The following ATP8B3 variants were observed in gnomAD, a reference collection of about 807,000 sequenced individuals.
ATP8B3 encodes ATPase phospholipid transporting 8B3.
In ATP8B3, 141 loss-of-function variants were observed where a neutral mutation model predicts 140.9. That is an observed-to-expected ratio of 1.00 (90% CI 0.87 to 1.15). ATP8B3 has a LOEUF of 1.15. Among genes scored for constraint, ATP8B3 ranks in the 50% most tolerant of loss-of-function variants. The pLI is 0.00. For missense variants in ATP8B3, 1,874 were observed against 1,740.6 expected (o/e 1.08, Z -1.36); for synonymous variants, 765 against 714.6 (o/e 1.07, Z -1.13).
Position 1,796,255 on chromosome 19 carries a change from C to A in ATP8B3, c.1764G>T (p.Leu588Phe). The A allele has an allele frequency of 6.2e-7, 1 of 1,609,934 alleles. No individual in the cohort carries two copies. The highest frequency in any genetic ancestry group is 8.5e-7 in the Non-Finnish European group (1 of 1,178,964). The change falls in exon 17 of 29, where the codon TTG (leucine) becomes TTT (phenylalanine). Residue 588 changes from leucine to phenylalanine, a missense_variant. Physicochemically the swap from Leu to Phe is conservative, Grantham distance 22. This residue lies in a region of ATP8B3 where 1,032 missense variants were observed against 963.6 expected (regional missense o/e 1.07). Coordinates refer to ENST00000310127, the MANE Select transcript of ATP8B3 (RefSeq NM_138813.4). ...CCTCGTCGGGGGAGGCCGCCTGGTA[C>A]AACAGCTGGTCTGGTAGGGAGGGGG... ...ESPRERPDQL[L>F]YQAASPDEGA...
Position 1,806,014 on chromosome 19 carries a change from G to A in ATP8B3, c.751-56C>T, listed in dbSNP as rs2069003280. 5 of 1,609,066 alleles carry A rather than the reference G, an allele frequency of 3.1e-6. No homozygotes were observed. Among genetic ancestry groups the A allele is most frequent in the Middle Eastern group, 1.7e-4 (1 of 6,054 alleles). On this transcript the variant is annotated intron_variant, in intron 8 of 28. Transcript: ENST00000310127. This position sits in a 1 kb window ranked among gnomAD's most constrained non-coding sequence, Gnocchi z 5.6. Reference sequence around the variant, plus strand: ...AGGGGATGCAAGACAAATTGGGGGTGCGGCAGCCCTCCCCACCCTGGGAGG... The same window carrying A: ...AGGGGATGCAAGACAAATTGGGGGTACGGCAGCCCTCCCCACCCTGGGAGG...
In ATP8B3 at chr19:1,791,730, C is replaced by A. The variant is rs556062718; in HGVS notation, c.2302+20G>T. Reference sequence around the variant, plus strand: ...CCCATGCTGCAGGGGCTTAGCCACCCGGAGCTGCCCGGGACTCACCCTGCT... The same window carrying A: ...CCCATGCTGCAGGGGCTTAGCCACCAGGAGCTGCCCGGGACTCACCCTGCT... On this transcript the variant is annotated intron_variant, in intron 20 of 28. Transcript: ENST00000310127. 5 of 1,590,398 alleles carry A rather than the reference C, an allele frequency of 3.1e-6. No individual in the cohort carries two copies. In the Admixed American group the frequency reaches 5.0e-5, roughly 16 times the overall value.
At position 1,811,768 on chromosome 19, in the gene ATP8B3, G is replaced by T; in HGVS notation, c.-32C>A. On this transcript the variant is annotated 5_prime_UTR_variant, in exon 2 of 29. Coordinates refer to ENST00000310127, the MANE Select transcript of ATP8B3 (RefSeq NM_138813.4). Reference sequence around the variant, plus strand: ...CATGAGGAAAAGGGAGGTTCAGGGCGAAGAGGGGTTTAGGCTGTGGGACGG... The same window carrying T: ...CATGAGGAAAAGGGAGGTTCAGGGCTAAGAGGGGTTTAGGCTGTGGGACGG... The T allele has an allele frequency of 6.4e-7, 1 of 1,553,972 alleles. No homozygotes were observed. The highest frequency in any genetic ancestry group is 8.7e-7 in the Non-Finnish European group (1 of 1,155,308).
rs1311367400 is a variant in ATP8B3 at position 1,811,510 on chromosome 19, T to C, written c.227A>G (p.Lys76Arg). ...TCACCCTTCTGGTCTCCATTCATAC[T>C]TCCTAGCCCGGCCAGGCTGGGCCTT... Reference protein sequence around the residue: ...RHKAQPGRARKYEWRPEGPTS... With the variant: ...RHKAQPGRARRYEWRPEGPTS... Residue 76 changes from lysine to arginine, a missense_variant, in exon 2 of 29, where the codon AAG becomes AGG. Lys to Arg is a conservative substitution (Grantham distance 26). Coordinates refer to ENST00000310127, the MANE Select transcript of ATP8B3 (RefSeq NM_138813.4). 1.9e-6 allele frequency: 3 copies of C among 1,611,944 alleles called. No homozygotes were observed. The Admixed American group carries it at 5.0e-5, about 27-fold the overall frequency.
At chr19:1,801,019 G>A (rs1370391049) in intron 12 of ATP8B3, among the ~76,000 whole-genome samples, 1 of 151,428 alleles carries the variant, frequency 6.6e-6, no homozygotes, top group African/African-American at 2.4e-5. Context: ...TAGTAGAGAC[G>A]GGGTTTCACT....
Position 1,783,069 on chromosome 19 carries a change from A to C in ATP8B3, c.3862T>G (p.Ser1288Ala), listed in dbSNP as rs779649887. The change falls in exon 29 of 29, where the codon TCT becomes GCT. Residue 1288 changes from serine (S) to alanine (A), a missense_variant. Around this residue, in one of 3 missense-constraint regions of ATP8B3, gnomAD observed 840 missense variants for 760.9 expected, o/e 1.10. Transcript: ENST00000310127. ...SDIASESLDP[S>A]DEEAASSPKE... is the part of the protein sequence containing the mutation. ...GGGCTCGAAGCTGCCTCTTCATCAG[A>C]TGGGTCTAGGGATTCAGATGCTATG... 6.2e-7 allele frequency: 1 copy of C among 1,612,400 alleles called. No individual in the cohort carries two copies. The highest frequency in any genetic ancestry group is 8.5e-7 in the Non-Finnish European group (1 of 1,179,432).
At chr19:1,797,770 G>A (rs898233947) in intron 14 of ATP8B3, among the ~76,000 whole-genome samples, 2 of 151,406 alleles carry the variant, frequency 1.3e-5, no homozygotes, top group African/African-American at 4.9e-5. Flanking sequence ...AAAGTGCTGG[G>A]ATTACAGGCG....
In ATP8B3 at chr19:1,802,620, G is replaced by A. The variant is rs767037893; in HGVS notation, c.930C>T (p.Asn310=). 1.1e-5 allele frequency: 17 copies of A among 1,611,354 alleles called. No homozygotes were observed. In the African/African-American group the frequency reaches 1.9e-4, roughly 18 times the overall value. The change falls in exon 11 of 29, where the codon AAC becomes AAT. Residue 310 remains asparagine (N), a synonymous_variant. Coordinates refer to ENST00000310127, the MANE Select transcript of ATP8B3 (RefSeq NM_138813.4). ...ACCCCACGAAGTGGTGCATCCGACT[G>A]TTAGGCGCCTCACACGTCACTGTGC... is the stretch of plus-strand genomic sequence containing the variant. ...FQGTVTCEAP[N]SRMHHFVGCL... is the part of the protein sequence containing the mutation.
chr19:1,795,765 C>T, intron 18 of ATP8B3, 110 bp downstream of exon 18: 2 of 1,020,696 alleles, frequency 2.0e-6, no homozygotes, highest in South Asian at 3.0e-5. Context: ...CCTCCCCTGC[C>T]TCCTCCTCCT....
chr19:1,807,286 G>A lies in ATP8B3; in HGVS notation c.517-20C>T. 1 of 1,600,422 alleles carries A rather than the reference G, an allele frequency of 6.2e-7. No individual in the cohort carries two copies. The highest frequency in any genetic ancestry group is 8.6e-7 in the Non-Finnish European group (1 of 1,169,440). On this transcript the variant is annotated intron_variant, in intron 5 of 28. Transcript: ENST00000310127. The surrounding 1 kb of genome is among the most constrained non-coding windows in gnomAD (Gnocchi z 5.9). ...AATGCTCTGACGTGAGGGGGCCACA[G>A]GAAGGGTCACACCAGCCCACTCCCC... is the stretch of plus-strand genomic sequence containing the variant.
chr19:1,789,173 C>A, intron 23 of ATP8B3, 53 bp from the exon 24 acceptor site: 1 of 1,079,736 alleles, frequency 9.3e-7, no homozygotes, highest in Non-Finnish European at 1.3e-6. Flanking sequence ...GTCCCGCCCG[C>A]CCCCCCAGAC....
intron 18 of ATP8B3, among the ~76,000 whole-genome samples, chr19:1,793,486 C>G (rs1025213895): frequency 1.3e-5 from 2 of 152,314 alleles, no homozygotes; most frequent in East Asian, 3.9e-4. Flanking sequence ...CCCCCAGTCC[C>G]AGGCCCCTCC....
At chr19:1,799,465 G>GA (rs532925512) in intron 14 of ATP8B3, 6,392 of 143,438 alleles carry the variant, frequency 0.045, 40 homozygotes, top group Middle Eastern at 0.078. Flanking sequence ...GTCTCAGAGA[G>GA]AAAAAAAAAA....
chr19:1,805,266 G>C lies in ATP8B3; in HGVS notation c.904+108C>G, dbSNP rs1255022348. On this transcript the variant is annotated intron_variant, in intron 10 of 28. Transcript: ENST00000310127. This position sits in a 1 kb window ranked among gnomAD's most constrained non-coding sequence, Gnocchi z 5.2. ...CTGGGATTCCAGGTGTGAGCCACTG[G>C]GCCTGGCCAGCACCTTGTTTTAAAA... 8.9e-7 allele frequency: 1 copy of C among 1,117,992 alleles called. No homozygotes were observed. The highest frequency in any genetic ancestry group is 2.0e-5 in the Admixed American group (1 of 50,134). The allele number at this position is 1,117,992 out of a possible 1,614,324, so 69.3% of individuals were successfully genotyped here.
rs560046512 is a variant in ATP8B3 at position 1,806,290 on chromosome 19, C to A, written c.678-121G>T. On this transcript the variant is annotated intron_variant, in intron 7 of 28. Transcript: ENST00000310127. The surrounding 1 kb of genome is among the most constrained non-coding windows in gnomAD (Gnocchi z 5.6). ...TGCAGTCCCCACCTCCGGGCCTTTG[C>A]CCCCTCAGGAAGCCTTCCCCGGGCT... The A allele has an allele frequency of 1.0e-4, 154 of 1,497,808 alleles. 2 individuals carry two copies. In the Admixed American group the frequency reaches 1.4e-3, roughly 13 times the overall value. 92.8% of individuals were successfully genotyped at this position (1,497,808 alleles called of 1,614,324 possible). A position where few individuals can be genotyped will look rare whatever the true frequency, so the allele number is the denominator to read the frequency against.
At chr19:1,791,138 C>A (rs2068496994) in intron 20 of ATP8B3, among the ~76,000 whole-genome samples, 1 of 152,202 alleles carries the variant, frequency 6.6e-6, no homozygotes, top group African/African-American at 2.4e-5. Context: ...GTCTCAATAT[C>A]TTTTTAAATC....
In ATP8B3 at chr19:1,796,849, C is replaced by G; in HGVS notation, c.1615G>C (p.Asp539His). The G allele has an allele frequency of 1.2e-6, 2 of 1,612,338 alleles. No homozygotes were observed. The highest frequency in any genetic ancestry group is 1.7e-6 in the Non-Finnish European group (2 of 1,179,446). The change falls in exon 16 of 29, where the codon GAC (aspartate) becomes CAC (histidine). Residue 539 changes from aspartate to histidine, a missense_variant. Asp to His is a moderately conservative substitution (Grantham distance 81). Coordinates refer to ENST00000310127, the MANE Select transcript of ATP8B3 (RefSeq NM_138813.4). ...GCATTGTGGAAGAGCAGCTTCCCGTCGGCGAACTTGTTCCAGAGGTAGGGG... is the reference window on the plus strand; with the variant it reads ...GCATTGTGGAAGAGCAGCTTCCCGTGGGCGAACTTGTTCCAGAGGTAGGGG... ...ENPYLWNKFA[D>H]GKLLFHNAAL... is the part of the protein sequence containing the mutation.
rs570892286 is a variant in ATP8B3, at chr19:1,806,750, G to A, written c.616-61C>T. On this transcript the variant is annotated intron_variant, in intron 6 of 28. Transcript: ENST00000310127. This position sits in a 1 kb window ranked among gnomAD's most constrained non-coding sequence, Gnocchi z 5.6. ...AGCCTCTCCTGCCCCCGCCCAGGCC[G>A]CTGCCGCACTGCAGCCCAGCAGTGC... 8.3e-4 allele frequency: 1,272 copies of A among 1,523,848 alleles called. 14 individuals carry two copies. Among genetic ancestry groups the A allele is most frequent in the South Asian group, 7.8e-3 (647 of 83,420 alleles). The allele number at this position is 1,523,848 out of a possible 1,614,324, so 94.4% of individuals were successfully genotyped here. A position where few individuals can be genotyped will look rare whatever the true frequency, so the allele number is the denominator to read the frequency against.
At chr19:1,792,243 G>T in intron 18 of ATP8B3, 108 bp from the exon 19 acceptor site, 1 of 1,284,414 alleles carries the variant, frequency 7.8e-7, no homozygotes, top group Non-Finnish European at 1.0e-6. Flanking sequence ...CCAACCAAAA[G>T]CCTGTTGCCT....
Sources: allele counts gnomAD v4.1 joint callset (sites outside exome capture counted in the v4.1 genomes callset), GRCh38; gene constraint gnomAD v4.1.1; regional missense constraint gnomAD v4.1.1; non-coding constraint Gnocchi (gnomAD v3.1); transcripts MANE v1.5; gene names NCBI Gene and HGNC (gene_info 2026-07-23, HGNC 2026-07-21).